The following DNAJC7 variants were observed in gnomAD, a reference collection of about 807,000 sequenced individuals.
DNAJC7 encodes DnaJ heat shock protein family (Hsp40) member C7, also known as dnaJ homolog subfamily C member 7.
Under a neutral mutation model 67.4 loss-of-function variants are expected in DNAJC7, and 18 were observed. That is an observed-to-expected ratio of 0.27 (90% CI 0.18 to 0.40). The LOEUF is 0.40. Among genes scored for constraint, DNAJC7 ranks in the 10% least tolerant of loss-of-function variants. The probability of loss-of-function intolerance (pLI) is 1.00; values close to 1 mark genes in which losing one functional copy is unlikely to be tolerated. For missense variants in DNAJC7, 419 were observed against 613.8 expected (o/e 0.68, Z 3.35); for synonymous variants, 220 against 207.8 (o/e 1.06, Z -0.50).
At chr17:41,996,983 A>T in intron 3 of DNAJC7, 132 bp downstream of exon 3, 8 of 1,397,772 alleles carry the variant, frequency 5.7e-6, no homozygotes, top group East Asian at 2.4e-5. Flanking sequence ...CCCACAGTGC[A>T]CAGTAAAGTC....
Position 41,996,382 on chromosome 17 carries a change from C to T in DNAJC7, c.334G>A (p.Ala112Thr), listed in dbSNP as rs782680776. ...EGKCHLSLGN[A>T]MAACRSFQRA... Reference sequence around the variant, plus strand: ...TGGAAGCTGCGACATGCTGCCATGGCATTCCCCAGAGAGAGGTGGCACTTG... The same window carrying T: ...TGGAAGCTGCGACATGCTGCCATGGTATTCCCCAGAGAGAGGTGGCACTTG... The change falls in exon 4 of 14, where the codon GCC (alanine) becomes ACC (threonine). Residue 112 changes from alanine (A) to threonine (T), a missense_variant. Around this residue, in one of 4 missense-constraint regions of DNAJC7, gnomAD observed 179 missense variants for 249.7 expected, o/e 0.72. Transcript: ENST00000457167. The T allele has an allele frequency of 6.2e-7, 1 of 1,614,022 alleles. No homozygotes were observed. Among genetic ancestry groups the T allele is most frequent in the Non-Finnish European group, 8.5e-7 (1 of 1,179,894 alleles).
intron 1 of DNAJC7, among the ~76,000 whole-genome samples, chr17:42,005,904 C>G (rs1448106117): frequency 6.6e-6 from 1 of 150,398 alleles, no homozygotes; most frequent in Admixed American, 6.6e-5. Context: ...CCATGCCTGG[C>G]CAATTTTTTT....
At position 42,001,317 on chromosome 17, in the gene DNAJC7, C is replaced by G. The variant is rs1249841747; in HGVS notation, c.78-747G>C. Among the ~76,000 whole-genome samples, 8 of 152,266 alleles carry G rather than the reference C, an allele frequency of 5.3e-5. No individual in the cohort carries two copies. The East Asian group carries it at 1.5e-3, about 29-fold the overall frequency. ...CTCCAGTACCTTATATATTCAGCAA[C>G]TGGGTGATAGCAGTATTTTTTCCCT... On this transcript the variant is annotated intron_variant, in intron 1 of 13. Coordinates refer to ENST00000457167, the MANE Select transcript of DNAJC7 (RefSeq NM_003315.4).
chr17:41,982,921 T>C (rs1448807021), intron 10 of DNAJC7, among the ~76,000 whole-genome samples: 2 of 150,422 alleles, frequency 1.3e-5, no homozygotes, highest in African/African-American at 2.5e-5. Flanking sequence ...GATCATGCCA[T>C]TGCACTCCAG....
chr17:41,998,821 T>C (rs1327649117), intron 2 of DNAJC7, among the ~76,000 whole-genome samples: 2 of 152,188 alleles, frequency 1.3e-5, no homozygotes, highest in Non-Finnish European at 2.9e-5. Context: ...TAGGTGGGTT[T>C]TGCCATAACA....
rs1201969765 is a variant in DNAJC7, at chr17:41,985,060, C to T, written c.1011-1424G>A. ...GCCAGGCTGGTCTCGATCTCCTGACCTGAACCGATCTGCCCGCCTCGGCCT... is the reference window on the plus strand; with the variant it reads ...GCCAGGCTGGTCTCGATCTCCTGACTTGAACCGATCTGCCCGCCTCGGCCT... On this transcript the variant is annotated intron_variant, in intron 9 of 13. Coordinates refer to ENST00000457167, the MANE Select transcript of DNAJC7 (RefSeq NM_003315.4). 3 of 152,182 alleles carry T rather than the reference C, an allele frequency of 2.0e-5. No homozygotes were observed. The South Asian group carries it at 6.2e-4, about 32-fold the overall frequency. 9.4% of individuals were successfully genotyped at this position (152,182 alleles called of 1,614,324 possible). A position where few individuals can be genotyped will look rare whatever the true frequency, so the allele number is the denominator to read the frequency against.
At chr17:41,987,946 T>G in intron 8 of DNAJC7, 36 bp from the exon 9 acceptor site, 1 of 1,570,520 alleles carries the variant, frequency 6.4e-7, no homozygotes, top group Non-Finnish European at 8.7e-7. Flanking sequence ...CTTCACACCT[T>G]TGGTGACTGA....
Position 41,996,664 on chromosome 17 carries a change from G to A in DNAJC7, c.292-240C>T, listed in dbSNP as rs572598619. The stretch of plus-strand genomic sequence containing the variant: ...CTTACTAAAAATACAAAAATTAGCC[G>A]GGTGTGGTGGCATATGCCTGTGGTC... On this transcript the variant is annotated intron_variant, in intron 3 of 13. Coordinates refer to ENST00000457167, the MANE Select transcript of DNAJC7 (RefSeq NM_003315.4). Among the ~76,000 whole-genome samples the A allele has an allele frequency of 9.9e-5, 15 of 152,204 alleles. 1 individual carries two copies. The highest frequency in any genetic ancestry group is 2.1e-4 in the South Asian group (1 of 4,818).
At chr17:41,979,685 G>A (rs1328081430) in intron 12 of DNAJC7, among the ~76,000 whole-genome samples, 3 of 131,642 alleles carry the variant, frequency 2.3e-5, no homozygotes, top group South Asian at 2.4e-4. Flanking sequence ...AAAAAAGGCC[G>A]GGCGCGGTGG....
intron 5 of DNAJC7, among the ~76,000 whole-genome samples, chr17:41,991,852 T>A (rs1005020146): frequency 6.6e-6 from 1 of 152,122 alleles, no homozygotes; most frequent in Admixed American, 6.6e-5. Flanking sequence ...GCTAAAATTT[T>A]AAATTATCTG....
At chr17:41,989,287 G>T in intron 7 of DNAJC7, 117 bp downstream of exon 7, 2 of 1,372,268 alleles carry the variant, frequency 1.5e-6, no homozygotes, top group Non-Finnish European at 2.0e-6. Context: ...AAGCATCCTT[G>T]CAAAGCAGGA....
intron 1 of DNAJC7, chr17:42,015,055 C>T (rs2052228314): frequency 6.6e-6 from 1 of 152,090 alleles, no homozygotes; most frequent in Admixed American, 6.5e-5. Flanking sequence ...TCTCAGCTCA[C>T]TGCAACCTCC....
At chr17:41,991,864 A>G (rs1046315122) in intron 5 of DNAJC7, among the ~76,000 whole-genome samples, 3 of 152,164 alleles carry the variant, frequency 2.0e-5, no homozygotes, top group African/African-American at 7.2e-5. Context: ...AATTATCTGT[A>G]GAGACAGGGT....
At chr17:42,003,195 A>C (rs369567522) in intron 1 of DNAJC7, among the ~76,000 whole-genome samples, 1 of 152,216 alleles carries the variant, frequency 6.6e-6, no homozygotes, top group East Asian at 1.9e-4. Context: ...ATTTTCATAG[A>C]AACGTGGCTG....
chr17:41,996,163 G>A (rs1300190121), intron 4 of DNAJC7, 148 bp downstream of exon 4: 1 of 686,562 alleles, frequency 1.5e-6, no homozygotes, highest in Non-Finnish European at 2.5e-6. Flanking sequence ...GGAAGCTGAG[G>A]CTTAGAGAGG....
At chr17:42,007,218 C>T (rs961177712) in intron 1 of DNAJC7, among the ~76,000 whole-genome samples, 5 of 152,090 alleles carry the variant, frequency 3.3e-5, no homozygotes, top group Non-Finnish European at 7.3e-5. Context: ...ATTTACTACT[C>T]CCCAAATGTC....
intron 1 of DNAJC7, among the ~76,000 whole-genome samples, chr17:42,001,541 TGATAAA>T (rs1311933747): frequency 6.6e-6 from 1 of 152,212 alleles, no homozygotes; most frequent in Non-Finnish European, 1.5e-5. Context: ...ACTGCTCAAG[TGATAAA>T]GATAATTCTT....
At chr17:42,009,970 G>A (rs563702564) in intron 1 of DNAJC7, among the ~76,000 whole-genome samples, 50 of 151,686 alleles carry the variant, frequency 3.3e-4, no homozygotes, top group African/African-American at 1.1e-3. Context: ...GGTGAAACCC[G>A]TCTCTACTAA....
chr17:41,995,686 A>G (rs1230010973), intron 4 of DNAJC7, among the ~76,000 whole-genome samples: 30 of 152,266 alleles, frequency 2.0e-4, no homozygotes, highest in Admixed American at 2.0e-3. Context: ...ATGATTCTGC[A>G]CAATGACAAA....
Sources: gnomAD v4.1 joint callset for allele counts (sites outside exome capture counted in the v4.1 genomes callset) on GRCh38, gnomAD v4.1.1 for gene constraint, gnomAD v4.1.1 regional missense constraint, MANE v1.5 for transcripts, NCBI Gene and HGNC (gene_info 2026-07-23, HGNC 2026-07-21) for gene names.